The following SORCS3 variants were observed in gnomAD, a reference collection of about 807,000 sequenced individuals.
SORCS3 encodes VPS10 domain-containing receptor SorCS3.
In SORCS3, 57 loss-of-function variants were observed where a neutral mutation model predicts 146.3. That is an observed-to-expected ratio of 0.39 (90% CI 0.31 to 0.49). The LOEUF (loss-of-function observed/expected upper bound fraction) is 0.49. SORCS3 is among the 20% of genes least tolerant of loss of function. The pLI, the probability that SORCS3 is intolerant of heterozygous loss-of-function variation, is 0.92. For synonymous variants in SORCS3, 653 were observed against 618.5 expected, an observed-to-expected ratio of 1.06 and a Z score of -0.83; for missense variants, 1,341 against 1,575.5, an observed-to-expected ratio of 0.85 and a Z score of 2.52.
intron 3 of SORCS3, among the ~76,000 whole-genome samples, chr10:104,949,862 G>T (rs1204474436): frequency 6.6e-6 from 1 of 152,234 alleles, no homozygotes; most frequent in African/African-American, 2.4e-5. Flanking sequence ...CCACTTGGCA[G>T]ATGACTGAGA....
intron 4 of SORCS3, among the ~76,000 whole-genome samples, chr10:105,028,966 C>T (rs1564737994): frequency 6.6e-6 from 1 of 152,128 alleles, no homozygotes; most frequent in Non-Finnish European, 1.5e-5. Context: ...CTTTATTGGC[C>T]ATCAGATCTC....
chr10:105,030,595 CTTT>C (rs34314523), intron 4 of SORCS3, among the ~76,000 whole-genome samples: 1 of 144,104 alleles, frequency 6.9e-6, no homozygotes, highest in African/African-American at 2.5e-5. Flanking sequence ...GCTGAAGATC[CTTT>C]TTTTTTTTTT....
At chr10:105,073,327 C>A (rs1472498351) in intron 5 of SORCS3, among the ~76,000 whole-genome samples, 1 of 152,082 alleles carries the variant, frequency 6.6e-6, no homozygotes, top group African/African-American at 2.4e-5. Context: ...TAGATTGTGA[C>A]CCCTTCCAGG....
chr10:104,804,576 T>G (rs1487036555), intron 1 of SORCS3, among the ~76,000 whole-genome samples: 1 of 152,222 alleles, frequency 6.6e-6, no homozygotes, highest in Non-Finnish European at 1.5e-5. Flanking sequence ...GAAGTGACTC[T>G]ACCACTGTCA....
intron 1 of SORCS3, among the ~76,000 whole-genome samples, chr10:104,814,003 A>C (rs980884420): frequency 7.3e-6 from 1 of 136,460 alleles, no homozygotes; most frequent in Non-Finnish European, 1.6e-5. Flanking sequence ...TTTTCCCCCT[A>C]TTCCAGAGTC....
At chr10:104,943,662 A>C (rs1364732509) in intron 3 of SORCS3, among the ~76,000 whole-genome samples, 1 of 152,202 alleles carries the variant, frequency 6.6e-6, no homozygotes, top group Non-Finnish European at 1.5e-5. Context: ...TATTGATTCA[A>C]AACAATCTCA....
chr10:105,253,603 G>A (rs1174792188), intron 23 of SORCS3, among the ~76,000 whole-genome samples: 1 of 152,146 alleles, frequency 6.6e-6, no homozygotes, highest in African/African-American at 2.4e-5. Context: ...TCTTTCTCAT[G>A]ATGCTAAGTC....
intron 3 of SORCS3, among the ~76,000 whole-genome samples, chr10:104,918,286 A>T (rs2019052996): frequency 6.6e-6 from 1 of 152,200 alleles, no homozygotes; most frequent in Non-Finnish European, 1.5e-5. Context: ...TTTCCATGCC[A>T]ACAACATTTT....
intron 3 of SORCS3, among the ~76,000 whole-genome samples, chr10:104,935,012 G>A (rs1404790): frequency 6.6e-6 from 1 of 152,132 alleles, no homozygotes; most frequent in African/African-American, 2.4e-5. Context: ...AGTGGGGAAT[G>A]TTGGCTTGTT....
chr10:104,886,131 C>T (rs917010032), intron 2 of SORCS3, among the ~76,000 whole-genome samples: 2 of 152,070 alleles, frequency 1.3e-5, no homozygotes, highest in East Asian at 3.9e-4. Context: ...CTCCATAGTC[C>T]TTAAATGCAT....
intron 4 of SORCS3, among the ~76,000 whole-genome samples, chr10:105,020,088 A>T (rs1281416035): frequency 6.6e-6 from 1 of 152,160 alleles, no homozygotes; most frequent in Non-Finnish European, 1.5e-5. Context: ...AAGTGACGAA[A>T]CCAGAGCCTA....
chr10:105,075,873 T>G (rs1349948897), intron 5 of SORCS3, among the ~76,000 whole-genome samples: 1 of 152,134 alleles, frequency 6.6e-6, no homozygotes, highest in East Asian at 1.9e-4. Context: ...ATCAGTAACT[T>G]AGTCAAAACT....
Position 105,167,260 on chromosome 10 carries a change from C to T in SORCS3, c.1812C>T (p.Ile604=), listed in dbSNP as rs771686495. ...SSDGGNTWRQ[I]FDEEYNVWFL... Reference sequence around the variant, plus strand: ...TGTTGTTGTTGTTGTTGTTCCAGATCTTTGATGAAGAGTACAATGTCTGGT... The same window carrying T: ...TGTTGTTGTTGTTGTTGTTCCAGATTTTTGATGAAGAGTACAATGTCTGGT... The change falls in exon 13 of 27, where the codon ATC becomes ATT. Residue 604 remains isoleucine, a splice_region_variant and synonymous_variant. Transcript: ENST00000369701. The T allele has an allele frequency of 6.2e-6, 10 of 1,611,034 alleles. No homozygotes were observed. In the Admixed American group the frequency reaches 1.5e-4, roughly 24 times the overall value.
At chr10:104,842,622 CT>C (rs1274035469) in intron 1 of SORCS3, among the ~76,000 whole-genome samples, 169 bp from the exon 2 acceptor site, 1 of 152,202 alleles carries the variant, frequency 6.6e-6, no homozygotes, top group Non-Finnish European at 1.5e-5. Context: ...AAATTAATAA[CT>C]TTTTCCCCCT....
intron 4 of SORCS3, among the ~76,000 whole-genome samples, chr10:105,026,658 T>C (rs1439717567): frequency 1.3e-5 from 2 of 152,138 alleles, no homozygotes; most frequent in Admixed American, 1.3e-4. Context: ...AAAAAAGAAG[T>C]TAATAATGTC....
intron 1 of SORCS3, among the ~76,000 whole-genome samples, chr10:104,812,937 G>GC (rs1292246150): frequency 6.6e-6 from 1 of 152,170 alleles, no homozygotes; most frequent in Non-Finnish European, 1.5e-5. Flanking sequence ...AGAATGTAGA[G>GC]CCCACCTATT....
At chr10:105,136,444 A>G (rs960863467) in intron 7 of SORCS3, among the ~76,000 whole-genome samples, 2 of 152,190 alleles carry the variant, frequency 1.3e-5, no homozygotes, top group African/African-American at 4.8e-5. Context: ...GTAATTTTCA[A>G]CGTTCATTTT....
chr10:105,211,715 T>G (rs1331739735), intron 17 of SORCS3, among the ~76,000 whole-genome samples: 1 of 152,234 alleles, frequency 6.6e-6, no homozygotes, highest in Non-Finnish European at 1.5e-5. Flanking sequence ...TTTCAGGAAT[T>G]CTCAAATGAC....
intron 1 of SORCS3, among the ~76,000 whole-genome samples, chr10:104,692,028 A>T (rs936361846): frequency 2.0e-5 from 3 of 152,134 alleles, no homozygotes; most frequent in Admixed American, 2.0e-4. Flanking sequence ...GGACACATAC[A>T]GGTATTCATG....
Sources: gnomAD v4.1 joint callset for allele counts (sites outside exome capture counted in the v4.1 genomes callset) on GRCh38, gnomAD v4.1.1 for gene constraint, MANE v1.5 for transcripts, NCBI Gene and HGNC (gene_info 2026-07-23, HGNC 2026-07-21) for gene names.